NDST3: variants seen among roughly 807,000 people sequenced by gnomAD.
NDST3 encodes N-deacetylase and N-sulfotransferase 3, also known as bifunctional heparan sulfate N-deacetylase/N-sulfotransferase 3.
Under a neutral mutation model 96.1 loss-of-function variants are expected in NDST3, and 58 were observed. That is an observed-to-expected ratio of 0.60 (90% CI 0.49 to 0.75). The LOEUF (loss-of-function observed/expected upper bound fraction) is 0.75, where lower values mean the gene tolerates loss of function less well. Among genes scored for constraint, NDST3 ranks in the 30% least tolerant of loss-of-function variants. The pLI is 0.00. For synonymous variants in NDST3, 333 were observed against 359.7 expected, an observed-to-expected ratio of 0.93 and a Z score of 0.84; for missense variants, 788 against 1,034.2, an observed-to-expected ratio of 0.76 and a Z score of 3.27.
In NDST3 at chr4:118,186,254, A is replaced by G. The variant is rs148205685; in HGVS notation, c.1540-38237A>G. On this transcript the variant is annotated intron_variant, in intron 6 of 13. Coordinates refer to ENST00000296499, the MANE Select transcript of NDST3 (RefSeq NM_004784.3). The stretch of plus-strand genomic sequence containing the variant: ...TACTGTACAAACTCAGTCTAAAACA[A>G]TGGCTCCCATAATTTTCTTTAAAAA... 1.4e-3 allele frequency among the ~76,000 whole-genome samples: 220 copies of G among 152,302 alleles called. 1 individual carries two copies. The highest frequency in any genetic ancestry group is 5.0e-3 in the African/African-American group (208 of 41,564).
intron 8 of NDST3, among the ~76,000 whole-genome samples, chr4:118,230,202 T>C (rs58206331): frequency 0.015 from 2,338 of 152,298 alleles, 63 homozygotes; most frequent in African/African-American, 0.053. Context: ...ATTTTAGATA[T>C]TGCTTCATAG....
At chr4:118,097,716 C>A (rs1729429235) in intron 2 of NDST3, among the ~76,000 whole-genome samples, 2 of 151,798 alleles carry the variant, frequency 1.3e-5, no homozygotes, top group South Asian at 2.1e-4. Context: ...ATTACTTTTT[C>A]CAATTTGAAT....
chr4:118,096,704 T>TAGAC (rs1239733262), intron 2 of NDST3, among the ~76,000 whole-genome samples: 1 of 149,922 alleles, frequency 6.7e-6, no homozygotes, highest in Non-Finnish European at 1.5e-5. Context: ...GATAGATAGA[T>TAGAC]AGATAGACAG....
chr4:118,115,290 T>TC (rs1236481975), intron 4 of NDST3, among the ~76,000 whole-genome samples: 14 of 152,030 alleles, frequency 9.2e-5, no homozygotes, highest in Admixed American at 9.2e-4. Flanking sequence ...GTTAAACAAT[T>TC]CCCCAACAAA....
chr4:118,048,004 G>A (rs909622585), intron 1 of NDST3, among the ~76,000 whole-genome samples: 1 of 152,096 alleles, frequency 6.6e-6, no homozygotes, highest in African/African-American at 2.4e-5. Flanking sequence ...ATGTACAGAG[G>A]GAATCCCATT....
chr4:118,250,110 T>G lies in NDST3; in HGVS notation c.2400-3389T>G, dbSNP rs549989906. 2.4e-4 allele frequency among the ~76,000 whole-genome samples: 36 copies of G among 152,316 alleles called. 1 individual carries two copies. In the South Asian group the frequency reaches 7.0e-3, roughly 30 times the overall value. Reference sequence around the variant, plus strand: ...ACAATTTGTTTATCCTTTCACCAGTTGATGGACATGAGTAATTTGTATTTT... The same window carrying G: ...ACAATTTGTTTATCCTTTCACCAGTGGATGGACATGAGTAATTTGTATTTT... On this transcript the variant is annotated intron_variant, in intron 12 of 13. Coordinates refer to ENST00000296499, the MANE Select transcript of NDST3 (RefSeq NM_004784.3).
chr4:118,049,732 T>TAA (rs747062730), intron 1 of NDST3, among the ~76,000 whole-genome samples: 1 of 133,218 alleles, frequency 7.5e-6, no homozygotes, highest in African/African-American at 2.7e-5. Context: ...GTAATAATAA[T>TAA]AAAAAAAAAA....
chr4:118,069,322 T>A (rs1053502851), intron 2 of NDST3, among the ~76,000 whole-genome samples: 1 of 152,076 alleles, frequency 6.6e-6, no homozygotes, highest in African/African-American at 2.4e-5. Flanking sequence ...ACAAAAGAGA[T>A]CTGAGGTTGA....
chr4:118,106,879 A>G (rs1298778820), intron 3 of NDST3, among the ~76,000 whole-genome samples: 1 of 152,142 alleles, frequency 6.6e-6, no homozygotes, highest in African/African-American at 2.4e-5. Context: ...TCGCGAGGTC[A>G]GGAGATCGAG....
At chr4:118,185,387 T>C (rs988871478) in intron 6 of NDST3, among the ~76,000 whole-genome samples, 29 of 151,576 alleles carry the variant, frequency 1.9e-4, no homozygotes, top group Non-Finnish European at 4.1e-4. Flanking sequence ...AAATTTGTGA[T>C]GATAAATGCT....
At chr4:118,215,990 G>C (rs1305385069) in intron 6 of NDST3, among the ~76,000 whole-genome samples, 1 of 152,088 alleles carries the variant, frequency 6.6e-6, no homozygotes, top group Non-Finnish European at 1.5e-5. Flanking sequence ...AGAATATCCA[G>C]TAGTACTAAG....
chr4:118,120,728 A>G (rs1190849388), intron 4 of NDST3, among the ~76,000 whole-genome samples: 1 of 152,202 alleles, frequency 6.6e-6, no homozygotes, highest in Non-Finnish European at 1.5e-5. Context: ...CCGGTTATGT[A>G]TCTTGAAGCA....
In NDST3 at chr4:118,097,262, A is replaced by G. The variant is rs916108070; in HGVS notation, c.982-7756A>G. On this transcript the variant is annotated intron_variant, in intron 2 of 13. Coordinates refer to ENST00000296499, the MANE Select transcript of NDST3 (RefSeq NM_004784.3). ...TCAACTGAATTCAGATGGCCCTTAT[A>G]TAACCCATGTTGTCTAGAGTATTTC... is the stretch of plus-strand genomic sequence containing the variant. 2.0e-5 allele frequency among the ~76,000 whole-genome samples: 3 copies of G among 152,086 alleles called. No individual in the cohort carries two copies. In the East Asian group the frequency reaches 5.8e-4, roughly 29 times the overall value.
chr4:118,140,133 C>T (rs1163872127), intron 5 of NDST3, among the ~76,000 whole-genome samples: 1 of 152,196 alleles, frequency 6.6e-6, no homozygotes, highest in Non-Finnish European at 1.5e-5. Flanking sequence ...ACACTCACTC[C>T]AACCAAACCC....
At chr4:118,035,832 T>C (rs1578516702) in intron 1 of NDST3, among the ~76,000 whole-genome samples, 1 of 152,042 alleles carries the variant, frequency 6.6e-6, no homozygotes, top group Non-Finnish European at 1.5e-5. Context: ...GTCACATGAG[T>C]TAATTTTCTT....
At chr4:118,159,336 C>G (rs1203770618) in intron 6 of NDST3, among the ~76,000 whole-genome samples, 1 of 152,122 alleles carries the variant, frequency 6.6e-6, no homozygotes, top group African/African-American at 2.4e-5. Flanking sequence ...AGAAAATCAA[C>G]CAGTAAATCC....
At chr4:118,122,941 G>A (rs1050363592) in intron 4 of NDST3, among the ~76,000 whole-genome samples, 3 of 152,102 alleles carry the variant, frequency 2.0e-5, no homozygotes, top group African/African-American at 7.2e-5. Context: ...TTTATCCCAG[G>A]TCTGTCTAAT....
At chr4:118,106,817 G>T (rs1291454501) in intron 3 of NDST3, among the ~76,000 whole-genome samples, 2 of 152,094 alleles carry the variant, frequency 1.3e-5, no homozygotes, top group African/African-American at 4.8e-5. Flanking sequence ...TTGGCTGGGT[G>T]TGGTGGCTCA....
At chr4:118,189,251 A>G (rs1737155017) in intron 6 of NDST3, among the ~76,000 whole-genome samples, 1 of 152,052 alleles carries the variant, frequency 6.6e-6, no homozygotes, top group Non-Finnish European at 1.5e-5. Flanking sequence ...GGGTTTGCCC[A>G]TGTTGCCCAG....
Sources: gnomAD v4.1 joint callset for allele counts (sites outside exome capture counted in the v4.1 genomes callset) on GRCh38, gnomAD v4.1.1 for gene constraint, MANE v1.5 for transcripts, NCBI Gene and HGNC (gene_info 2026-07-23, HGNC 2026-07-21) for gene names.